The following KIAA1328 variants were observed in gnomAD, a reference collection of about 807,000 sequenced individuals.
The protein encoded by KIAA1328 is protein hinderin.
In KIAA1328, 52 loss-of-function variants were observed where a neutral mutation model predicts 68.1. The observed-to-expected ratio is 0.76, with a 90% CI of 0.61 to 0.96. The LOEUF (loss-of-function observed/expected upper bound fraction) is 0.96, where lower values mean the gene tolerates loss of function less well. Among genes scored for constraint, KIAA1328 ranks in the 40% least tolerant of loss-of-function variants. The pLI is 0.00. For synonymous variants in KIAA1328, 232 were observed against 239.4 expected (o/e 0.97, Z 0.28); for missense variants, 641 against 677.6 (o/e 0.95, Z 0.60).
At chr18:37,090,830 T>A (rs1411266296) in intron 7 of KIAA1328, among the ~76,000 whole-genome samples, 1 of 152,202 alleles carries the variant, frequency 6.6e-6, no homozygotes, top group Non-Finnish European at 1.5e-5. Flanking sequence ...TCTCTTTGAC[T>A]GGAGCACTAA....
intron 5 of KIAA1328, among the ~76,000 whole-genome samples, chr18:36,893,502 T>C (rs2048771713): frequency 6.6e-6 from 1 of 150,544 alleles, no homozygotes; most frequent in African/African-American, 2.4e-5. Flanking sequence ...TGTGTGTGTA[T>C]GTGAGACAAG....
chr18:36,872,833 T>C (rs1021301914), intron 4 of KIAA1328, among the ~76,000 whole-genome samples: 1 of 152,188 alleles, frequency 6.6e-6, no homozygotes, highest in African/African-American at 2.4e-5. Context: ...CTGTATTAGT[T>C]ATTTATGGTG....
At chr18:36,894,492 C>G (rs2048804566) in intron 5 of KIAA1328, among the ~76,000 whole-genome samples, 1 of 152,054 alleles carries the variant, frequency 6.6e-6, no homozygotes, top group East Asian at 1.9e-4. Context: ...GAGTTCATTC[C>G]ATTACAGTTG....
At chr18:36,840,847 A>G (rs1314230572) in intron 3 of KIAA1328, among the ~76,000 whole-genome samples, 1 of 152,170 alleles carries the variant, frequency 6.6e-6, no homozygotes, top group Non-Finnish European at 1.5e-5. Context: ...GGTCAGTTCA[A>G]GTCTTCTGGG....
At chr18:37,129,885 C>T (rs773773610) in intron 7 of KIAA1328, among the ~76,000 whole-genome samples, 7 of 152,054 alleles carry the variant, frequency 4.6e-5, no homozygotes, top group Admixed American at 2.0e-4. Context: ...GTGTGGAGAA[C>T]GAATTTCTTC....
intron 4 of KIAA1328, among the ~76,000 whole-genome samples, chr18:36,847,668 G>C (rs1026047582): frequency 1.3e-5 from 2 of 151,430 alleles, no homozygotes; most frequent in Non-Finnish European, 3.0e-5. Context: ...TCAAATATGC[G>C]TTTTATTCTC....
intron 9 of KIAA1328, among the ~76,000 whole-genome samples, chr18:37,175,770 C>A (rs1286919030): frequency 6.6e-6 from 1 of 152,058 alleles, no homozygotes; most frequent in African/African-American, 2.4e-5. Flanking sequence ...AGAGAAGAGC[C>A]TATTGTTCTT....
intron 4 of KIAA1328, among the ~76,000 whole-genome samples, chr18:36,883,035 G>A (rs754425327): frequency 6.6e-6 from 1 of 151,936 alleles, no homozygotes; most frequent in Non-Finnish European, 1.5e-5. Flanking sequence ...TCCTTTAGTA[G>A]GTATTCACTA....
At chr18:37,103,070 G>A (rs996292424) in intron 7 of KIAA1328, among the ~76,000 whole-genome samples, 3 of 152,084 alleles carry the variant, frequency 2.0e-5, no homozygotes, top group Non-Finnish European at 4.4e-5. Flanking sequence ...CCATGCTCAC[G>A]GATTGGAAGA....
At chr18:36,876,474 A>G (rs757273648) in intron 4 of KIAA1328, among the ~76,000 whole-genome samples, 2 of 152,148 alleles carry the variant, frequency 1.3e-5, no homozygotes, top group Non-Finnish European at 2.9e-5. Flanking sequence ...AGGTGTTTAT[A>G]GTATTCTCTG....
At chr18:36,887,461 T>G (rs1468811054) in intron 5 of KIAA1328, among the ~76,000 whole-genome samples, 1 of 152,130 alleles carries the variant, frequency 6.6e-6, no homozygotes, top group East Asian at 1.9e-4. Context: ...TCTCTCAGGT[T>G]TTTTTAATGG....
At chr18:37,012,842 A>G (rs941044421) in intron 6 of KIAA1328, among the ~76,000 whole-genome samples, 6 of 152,206 alleles carry the variant, frequency 3.9e-5, no homozygotes, top group Non-Finnish European at 7.3e-5. Flanking sequence ...GGCTAAAAGC[A>G]TAGCTATTTC....
intron 7 of KIAA1328, among the ~76,000 whole-genome samples, chr18:37,144,738 C>G (rs1298386116): frequency 1.3e-5 from 2 of 152,010 alleles, no homozygotes; most frequent in Non-Finnish European, 2.9e-5. Flanking sequence ...CCATGTTGCC[C>G]AGACTGGTCT....
chr18:36,844,567 T>C (rs541626158), intron 4 of KIAA1328, among the ~76,000 whole-genome samples: 1 of 152,114 alleles, frequency 6.6e-6, no homozygotes, highest in African/African-American at 2.4e-5. Flanking sequence ...CGGTCATCTA[T>C]TGAGGGAAGT....
chr18:36,834,277 C>A, intron 1 of KIAA1328, 43 bp from the exon 2 acceptor site: 1 of 1,486,658 alleles, frequency 6.7e-7, no homozygotes, highest in African/African-American at 1.4e-5. Flanking sequence ...CATTTGGATG[C>A]CGGATAATAT....
intron 6 of KIAA1328, among the ~76,000 whole-genome samples, chr18:37,026,690 C>A (rs2054596169): frequency 6.6e-6 from 1 of 152,124 alleles, no homozygotes; most frequent in Admixed American, 6.6e-5. Context: ...ATGCTAAAAC[C>A]TCTCAATGAA....
chr18:37,173,612 C>T (rs995539988), intron 9 of KIAA1328, among the ~76,000 whole-genome samples: 6 of 152,142 alleles, frequency 3.9e-5, no homozygotes, highest in Non-Finnish European at 7.3e-5. Context: ...AATATGTAAA[C>T]GTCAGTACCA....
intron 5 of KIAA1328, among the ~76,000 whole-genome samples, chr18:36,922,393 A>G (rs2049960758): frequency 1.3e-5 from 2 of 152,158 alleles, no homozygotes; most frequent in Admixed American, 6.5e-5. Context: ...CTGGCTCTTT[A>G]ACTGAAGCAT....
chr18:36,923,066 A>G (rs1247364139), intron 5 of KIAA1328, among the ~76,000 whole-genome samples: 3 of 152,064 alleles, frequency 2.0e-5, no homozygotes, highest in Non-Finnish European at 4.4e-5. Flanking sequence ...TTGACTTCAT[A>G]CATCAAAGAA....
Sources: allele counts gnomAD v4.1 joint callset (sites outside exome capture counted in the v4.1 genomes callset), GRCh38; gene constraint gnomAD v4.1.1; transcripts MANE v1.5; gene names NCBI Gene and HGNC (gene_info 2026-07-23, HGNC 2026-07-21).